YAF2: variants seen among roughly 807,000 people sequenced by gnomAD.
YAF2 encodes the protein YY1-associated factor 2.
In YAF2, 7 loss-of-function variants were observed where a neutral mutation model predicts 20.1. That is an observed-to-expected ratio of 0.35 (90% CI 0.20 to 0.65). The LOEUF (loss-of-function observed/expected upper bound fraction) is 0.65, where lower values mean the gene tolerates loss of function less well. Among genes scored for constraint, YAF2 ranks in the 30% least tolerant of loss-of-function variants. The probability of loss-of-function intolerance (pLI) is 0.69; values close to 1 mark genes in which losing one functional copy is unlikely to be tolerated. For missense variants in YAF2, 151 were observed against 219.2 expected, an observed-to-expected ratio of 0.69 and a Z score of 1.96; for synonymous variants, 74 against 76.0, an observed-to-expected ratio of 0.97 and a Z score of 0.14.
chr12:42,219,702 C>G (rs552143175), intron 2 of YAF2, among the ~76,000 whole-genome samples: 5 of 152,230 alleles, frequency 3.3e-5, no homozygotes, highest in African/African-American at 1.2e-4. Context: ...ATACCTCACA[C>G]CCCGTCCACC....
At chr12:42,185,201 C>A (rs527371161) in intron 2 of YAF2, among the ~76,000 whole-genome samples, 39 of 150,664 alleles carry the variant, frequency 2.6e-4, no homozygotes, top group South Asian at 1.7e-3. Context: ...AACAAACAAA[C>A]AAAAAAACAG....
chr12:42,158,672 AG>A lies in YAF2; in HGVS notation c.*1916del, dbSNP rs2136937887. On this transcript the variant is annotated 3_prime_UTR_variant, in exon 4 of 4. Transcript: ENST00000534854. Reference sequence around the variant, plus strand: ...TGCTACACCGTGTTCCCGTCTATGTAGAAAGATGAGTATCTTCCCACCTATG... The same window carrying A: ...TGCTACACCGTGTTCCCGTCTATGTAAAAGATGAGTATCTTCCCACCTATG... 6.6e-6 allele frequency: 1 copy of A among 152,344 alleles called. No individual in the cohort carries two copies. Among genetic ancestry groups the A allele is most frequent in the East Asian group, 1.9e-4 (1 of 5,182 alleles). The allele number at this position is 152,344 out of a possible 1,614,324, so 9.4% of individuals were successfully genotyped here.
intron 2 of YAF2, among the ~76,000 whole-genome samples, chr12:42,193,608 G>A (rs2066672897): frequency 6.6e-6 from 1 of 152,168 alleles, no homozygotes; most frequent in Admixed American, 6.5e-5. Flanking sequence ...CTGGGCTCAA[G>A]TGATCCTCCC....
chr12:42,167,768 G>A (rs2065949747), intron 2 of YAF2, among the ~76,000 whole-genome samples: 1 of 152,158 alleles, frequency 6.6e-6, no homozygotes, highest in Admixed American at 6.5e-5. Flanking sequence ...CACTTTGGGA[G>A]GCCAACGCGG....
intron 2 of YAF2, among the ~76,000 whole-genome samples, chr12:42,211,055 T>A (rs181137691): frequency 6.6e-6 from 1 of 152,336 alleles, no homozygotes; most frequent in East Asian, 1.9e-4. Flanking sequence ...GATTTTGGTA[T>A]AGAAGCCACC....
intron 2 of YAF2, among the ~76,000 whole-genome samples, chr12:42,201,401 CATTCCA>C (rs1252623004): frequency 6.6e-6 from 1 of 152,216 alleles, no homozygotes; most frequent in East Asian, 1.9e-4. Flanking sequence ...GTTCATTAGC[CATTCCA>C]ATTCCATTTC....
At chr12:42,214,170 T>C (rs1428883541) in intron 2 of YAF2, among the ~76,000 whole-genome samples, 1 of 152,244 alleles carries the variant, frequency 6.6e-6, no homozygotes, top group Non-Finnish European at 1.5e-5. Context: ...CTGATGCCAC[T>C]CACCCTCTGC....
intron 2 of YAF2, among the ~76,000 whole-genome samples, chr12:42,204,312 T>A (rs920689701): frequency 6.6e-6 from 1 of 152,164 alleles, no homozygotes; most frequent in Non-Finnish European, 1.5e-5. Context: ...GTATATATAG[T>A]CAGCGCTCCA....
intron 2 of YAF2, among the ~76,000 whole-genome samples, chr12:42,183,218 C>G (rs114514297): frequency 0.011 from 1,599 of 152,188 alleles, 29 homozygotes; most frequent in African/African-American, 0.037. Context: ...CCTTGAGCCT[C>G]CCTCTTCCCT....
chr12:42,235,996 C>T (rs1030064034), intron 2 of YAF2: 13 of 1,535,950 alleles, frequency 8.5e-6, no homozygotes, highest in Non-Finnish European at 1.1e-5. Context: ...TCCTTGCTGT[C>T]CCTGCAAATA....
intron 2 of YAF2, among the ~76,000 whole-genome samples, chr12:42,223,337 C>T (rs1331627691): frequency 6.6e-6 from 1 of 151,444 alleles, no homozygotes; most frequent in Non-Finnish European, 1.5e-5. Flanking sequence ...TACATACACA[C>T]ACACACACAC....
At chr12:42,234,178 C>T in intron 2 of YAF2, 3 of 948,924 alleles carry the variant, frequency 3.2e-6, no homozygotes, top group Non-Finnish European at 3.7e-6. Flanking sequence ...CAAATTCTGC[C>T]TCAAAAAAAA....
chr12:42,233,246 TATA>T, intron 2 of YAF2: 3 of 985,412 alleles, frequency 3.0e-6, no homozygotes, highest in Non-Finnish European at 3.6e-6. Context: ...AAAGGACTGT[TATA>T]ATATCCTCTA....
chr12:42,188,856 A>G (rs1269734949), intron 2 of YAF2, among the ~76,000 whole-genome samples: 1 of 152,184 alleles, frequency 6.6e-6, no homozygotes, highest in African/African-American at 2.4e-5. Flanking sequence ...AGACTAAAAG[A>G]TGAAGATAGA....
intron 2 of YAF2, chr12:42,234,286 C>T (rs1380250594): frequency 1.0e-6 from 1 of 985,172 alleles, no homozygotes; most frequent in Admixed American, 6.2e-5. Context: ...TAATGTGTCA[C>T]CGTGGCATTT....
At chr12:42,203,232 T>A (rs2066947675) in intron 2 of YAF2, among the ~76,000 whole-genome samples, 1 of 152,182 alleles carries the variant, frequency 6.6e-6, no homozygotes, top group African/African-American at 2.4e-5. Context: ...CAATAAAATG[T>A]TGGGTACTAT....
Position 42,232,709 on chromosome 12 carries a change from TA to T in YAF2, c.152+4889del, listed in dbSNP as rs1028061765. 7.4e-5 allele frequency: 73 copies of T among 985,344 alleles called. No homozygotes were observed. The African/African-American group carries it at 1.1e-3, about 15-fold the overall frequency. 61.0% of individuals were successfully genotyped at this position (985,344 alleles called of 1,614,324 possible). A position where few individuals can be genotyped will look rare whatever the true frequency, so the allele number is the denominator to read the frequency against. ...GTGCCAAACCTCAAATTTGAAGACA[TA>T]AAGCAAGTATGACAAGAAAACAACG... On this transcript the variant is annotated intron_variant, in intron 2 of 3. Transcript: ENST00000534854.
At chr12:42,181,494 G>C (rs373800249) in intron 2 of YAF2, among the ~76,000 whole-genome samples, 1 of 152,130 alleles carries the variant, frequency 6.6e-6, no homozygotes, top group African/African-American at 2.4e-5. Context: ...TAACTGCTCC[G>C]GGAACAGCTT....
chr12:42,227,775 C>T (rs1408789783), intron 2 of YAF2, among the ~76,000 whole-genome samples: 9 of 140,226 alleles, frequency 6.4e-5, no homozygotes, highest in Non-Finnish European at 7.7e-5. Context: ...GCCTGGCCAG[C>T]GTGCTGTCCG....
Sources: allele counts gnomAD v4.1 joint callset (sites outside exome capture counted in the v4.1 genomes callset), GRCh38; gene constraint gnomAD v4.1.1; transcripts MANE v1.5; gene names NCBI Gene and HGNC (gene_info 2026-07-23, HGNC 2026-07-21).